The following MAPK13 variants were observed in gnomAD, a reference collection of about 807,000 sequenced individuals.
MAPK13 encodes the protein MAP kinase 13.
MAPK13 carries 39 observed loss-of-function variants against 53.5 expected under a neutral mutation model. The ratio of observed to expected loss-of-function variants is 0.73; its 90% CI spans 0.56 to 0.95. MAPK13 has a LOEUF of 0.95. MAPK13 is among the 40% of genes least tolerant of loss of function. MAPK13 has a pLI of 0.00. For synonymous variants in MAPK13, 179 were observed against 190.9 expected (o/e 0.94, Z 0.51); for missense variants, 460 against 471.8 (o/e 0.98, Z 0.23).
At position 36,136,441 on chromosome 6, in the gene MAPK13, A is replaced by T. The variant is rs1418795192; in HGVS notation, c.448-43A>T. ...TGGTGGTGGAGCTAGGACAAGCTCCATCTCTGCCTCAGCCTAGCATGCATT... is the reference window on the plus strand; with the variant it reads ...TGGTGGTGGAGCTAGGACAAGCTCCTTCTCTGCCTCAGCCTAGCATGCATT... On this transcript the variant is annotated intron_variant, in intron 5 of 11. Coordinates refer to ENST00000211287, the MANE Select transcript of MAPK13 (RefSeq NM_002754.5). 3 of 1,523,710 alleles carry T rather than the reference A, an allele frequency of 2.0e-6. No individual in the cohort carries two copies. In the African/African-American group the frequency reaches 4.2e-5, roughly 21 times the overall value. The allele number at this position is 1,523,710 out of a possible 1,614,324, so 94.4% of individuals were successfully genotyped here.
intron 11 of MAPK13, 81 bp from the exon 12 acceptor site, chr6:36,139,213 C>G (rs1172824460): frequency 6.8e-7 from 1 of 1,470,972 alleles, no homozygotes; most frequent in East Asian, 2.3e-5. Flanking sequence ...TGACTTCGCT[C>G]TCCATGCTGT....
rs1272345792 is a variant in MAPK13 at position 36,131,387 on chromosome 6, T to C, written c.236T>C (p.Met79Thr). Residue 79 changes from methionine to threonine, a missense_variant, in exon 2 of 12, where the codon ATG (methionine) becomes ACG (threonine). Transcript: ENST00000211287. Reference protein sequence around the residue: ...AYRELLLLKHMQHENVIGLLD... With the variant: ...AYRELLLLKHTQHENVIGLLD... ...CGGGAGCTGCTGCTGCTGAAGCACA[T>C]GCAGCATGAGAACGTAGGTGGTGGC... 2 of 1,613,114 alleles carry C rather than the reference T, an allele frequency of 1.2e-6. No individual in the cohort carries two copies. Among genetic ancestry groups the C allele is most frequent in the African/African-American group, 1.3e-5 (1 of 75,002 alleles).
chr6:36,137,797 C>G (rs977353560), intron 8 of MAPK13, among the ~76,000 whole-genome samples: 2 of 151,004 alleles, frequency 1.3e-5, no homozygotes, highest in Admixed American at 1.3e-4. Flanking sequence ...CCCATCTCTA[C>G]CAAAAAATAC....
chr6:36,130,734 C>CGGGGGGG lies in MAPK13; in HGVS notation c.119+36_119+37insGGGGGGG. On this transcript the variant is annotated intron_variant, in intron 1 of 11. Transcript: ENST00000211287. This position sits in a 1 kb window ranked among gnomAD's most constrained non-coding sequence, Gnocchi z 4.5. The stretch of plus-strand genomic sequence containing the variant: ...CCCTGGGCCGCTGGGGGGCGGGGGG[C>CGGGGGGG]GGGCGCCAGGCTCTCCCCTTTCCGC... The CGGGGGGG allele has an allele frequency of 6.2e-6, 4 of 646,492 alleles. No homozygotes were observed. Among genetic ancestry groups the CGGGGGGG allele is most frequent in the South Asian group, 1.7e-5 (1 of 59,486 alleles). 40.0% of individuals were successfully genotyped at this position (646,492 alleles called of 1,614,324 possible).
rs767189852 is a variant in MAPK13 at position 36,135,988 on chromosome 6, A to G, written c.418-31A>G. 3.8e-5 allele frequency: 62 copies of G among 1,613,880 alleles called. No homozygotes were observed. In the Admixed American group the frequency reaches 1.0e-3, roughly 26 times the overall value. On this transcript the variant is annotated intron_variant, in intron 4 of 11. Coordinates refer to ENST00000211287, the MANE Select transcript of MAPK13 (RefSeq NM_002754.5). Reference sequence around the variant, plus strand: ...AAGTGCCTGGTGTGGAAGCTGGGCCATGGACTCACCCTTCTCTCTCTCCCA... The same window carrying G: ...AAGTGCCTGGTGTGGAAGCTGGGCCGTGGACTCACCCTTCTCTCTCTCCCA...
intron 6 of MAPK13, 50 bp downstream of exon 6, chr6:36,136,581 G>A (rs1283767676): frequency 6.3e-7 from 1 of 1,595,278 alleles, no homozygotes; most frequent in African/African-American, 1.3e-5. Context: ...CCTCCCCCAG[G>A]GAAGCCCCTG....
chr6:36,136,677 C>G lies in MAPK13; in HGVS notation c.517C>G (p.Arg173Gly). The change falls in exon 7 of 12, where the codon CGA (arginine) becomes GGA (glycine). Residue 173 changes from arginine to glycine, a missense_variant. Physicochemically the swap from Arg to Gly is moderately radical, Grantham distance 125. Transcript: ENST00000211287. The stretch of plus-strand genomic sequence containing the variant: ...ATAGATTCTGGATTTTGGGCTGGCG[C>G]GACATGCAGACGCCGAGATGACTGG... ...ELKILDFGLA[R>G]HADAEMTGYV... 1.2e-6 allele frequency: 2 copies of G among 1,613,906 alleles called. No homozygotes were observed. Among genetic ancestry groups the G allele is most frequent in the Non-Finnish European group, 1.7e-6 (2 of 1,179,920 alleles).
chr6:36,142,906 G>T lies in MAPK13; in HGVS notation c.*3533G>T, dbSNP rs368872115. 19 of 152,110 alleles carry T rather than the reference G, an allele frequency of 1.2e-4. 1 individual carries two copies. Among genetic ancestry groups the T allele is most frequent in the Admixed American group, 8.5e-4 (13 of 15,266 alleles). The allele number at this position is 152,110 out of a possible 1,614,324, so 9.4% of individuals were successfully genotyped here. ...GGGGGTGGGGAGTAGAGGGAGTGGG[G>T]GTTCCACGGGTTTGGGTCTTGCCCA... On this transcript the variant is annotated 3_prime_UTR_variant, in exon 12 of 12. Coordinates refer to ENST00000211287, the MANE Select transcript of MAPK13 (RefSeq NM_002754.5). This position sits in a 1 kb window ranked among gnomAD's most constrained non-coding sequence, Gnocchi z 4.4.
In MAPK13 at chr6:36,138,909, T is replaced by G; in HGVS notation, c.872T>G (p.Leu291Arg). ...GACCTGCTGGAGAAGATGCTGGAGC[T>G]AGACGTGGACAAGCGCCTGACGGCC... ...AADLLEKMLE[L>R]DVDKRLTAAQ... The change falls in exon 11 of 12, where the codon CTA becomes CGA. Residue 291 changes from leucine (L) to arginine (R), a missense_variant. Coordinates refer to ENST00000211287, the MANE Select transcript of MAPK13 (RefSeq NM_002754.5). The G allele has an allele frequency of 6.2e-7, 1 of 1,611,854 alleles. No homozygotes were observed. The highest frequency in any genetic ancestry group is 8.5e-7 in the Non-Finnish European group (1 of 1,179,020).
intron 11 of MAPK13, 111 bp downstream of exon 11, chr6:36,139,166 T>C (rs770581294): frequency 9.3e-6 from 13 of 1,396,966 alleles, no homozygotes; most frequent in Admixed American, 2.1e-5. Context: ...TCCTTCTTGG[T>C]GGGCATTGTC....
At position 36,136,646 on chromosome 6, in the gene MAPK13, T is replaced by G. The variant is rs1392726837; in HGVS notation, c.496-10T>G. 3 of 1,611,470 alleles carry G rather than the reference T, an allele frequency of 1.9e-6. No individual in the cohort carries two copies. Among genetic ancestry groups the G allele is most frequent in the Non-Finnish European group, 2.5e-6 (3 of 1,178,782 alleles). The stretch of plus-strand genomic sequence containing the variant: ...GCAAGTTCCTTTTCTATTTATCCCC[T>G]GTGCCATAGATTCTGGATTTTGGGC... On this transcript the variant is annotated splice_polypyrimidine_tract_variant and intron_variant, in intron 6 of 11. Transcript: ENST00000211287.
Position 36,131,466 on chromosome 6 carries a change from G to A in MAPK13, c.249+66G>A, listed in dbSNP as rs1766322213. ...TGGGGAGTCAGGGGCAGGCGCAGGC[G>A]GGGCCTCCCGGTATGGAGAGCTCGG... On this transcript the variant is annotated intron_variant, in intron 2 of 11. Coordinates refer to ENST00000211287, the MANE Select transcript of MAPK13 (RefSeq NM_002754.5). 1.8e-5 allele frequency: 27 copies of A among 1,502,604 alleles called. No individual in the cohort carries two copies. In the South Asian group the frequency reaches 2.4e-4, roughly 14 times the overall value. 93.1% of individuals were successfully genotyped at this position (1,502,604 alleles called of 1,614,324 possible).
intron 3 of MAPK13, among the ~76,000 whole-genome samples, chr6:36,133,254 C>G (rs1301643915): frequency 3.3e-5 from 5 of 152,150 alleles, no homozygotes; most frequent in Non-Finnish European, 5.9e-5. Context: ...CTGGACTGAC[C>G]CTACAGGCAG....
At chr6:36,136,834 G>A in intron 7 of MAPK13, 45 bp from the exon 8 acceptor site, 1 of 1,611,102 alleles carries the variant, frequency 6.2e-7, no homozygotes. Flanking sequence ...CTGACTGACT[G>A]CTGGGCCCCA....
At chr6:36,137,649 C>CAAAAAA (rs71540139) in intron 8 of MAPK13, among the ~76,000 whole-genome samples, 5 of 120,188 alleles carry the variant, frequency 4.2e-5, no homozygotes, top group Non-Finnish European at 7.1e-5. Context: ...GACCCTAACT[C>CAAAAAA]AAAAAAAAAA....
intron 8 of MAPK13, 113 bp downstream of exon 8, chr6:36,137,063 T>C (rs1766432813): frequency 9.2e-6 from 8 of 871,562 alleles, no homozygotes; most frequent in Non-Finnish European, 1.3e-5. Flanking sequence ...ATACTCCCTG[T>C]AGAATAATTT....
rs368211065 is a variant in MAPK13 at position 36,139,351 on chromosome 6, G to A, written c.1076G>A (p.Arg359His). 13 of 1,614,100 alleles carry A rather than the reference G, an allele frequency of 8.1e-6. No homozygotes were observed. Among genetic ancestry groups the A allele is most frequent in the South Asian group, 3.3e-5 (3 of 91,078 alleles). Reference protein sequence around the residue: ...FSPIARKDSRRRSGMKL With the variant: ...FSPIARKDSRHRSGMKL ...CCCATTGCCCGGAAGGACTCACGGCGCCGGAGTGGCATGAAGCTGTAGGGA... is the reference window on the plus strand; with the variant it reads ...CCCATTGCCCGGAAGGACTCACGGCACCGGAGTGGCATGAAGCTGTAGGGA... Residue 359 changes from arginine to histidine, a missense_variant, in exon 12 of 12, where the codon CGC becomes CAC. Arg to His is a conservative substitution (Grantham distance 29, BLOSUM62 0). Transcript: ENST00000211287.
intron 8 of MAPK13, among the ~76,000 whole-genome samples, chr6:36,137,311 C>A (rs1316319799): frequency 1.3e-5 from 2 of 151,886 alleles, no homozygotes; most frequent in Admixed American, 6.6e-5. Context: ...GTCAGGAGAT[C>A]GAGACCATCC....
rs2071863 is a variant in MAPK13 at position 36,139,395 on chromosome 6, G to A, written c.*22G>A. ...GTAGGGACTCATCTTGCATGGCACCGCCGGCCAGACACTGCCCAAGGACCA... is the reference window on the plus strand; with the variant it reads ...GTAGGGACTCATCTTGCATGGCACCACCGGCCAGACACTGCCCAAGGACCA... On this transcript the variant is annotated 3_prime_UTR_variant, in exon 12 of 12. Transcript: ENST00000211287. 304,675 of 1,606,420 alleles carry A rather than the reference G, an allele frequency of 0.19. 34,088 individuals carry two copies. Among genetic ancestry groups the A allele is most frequent in the East Asian group, 0.57 (25,389 of 44,778 alleles).
Sources: allele counts gnomAD v4.1 joint callset (sites outside exome capture counted in the v4.1 genomes callset), GRCh38; gene constraint gnomAD v4.1.1; non-coding constraint Gnocchi (gnomAD v3.1); transcripts MANE v1.5; gene names NCBI Gene and HGNC (gene_info 2026-07-23, HGNC 2026-07-21).